Variants in ARHGAP24 observed in about 807,000 individuals in gnomAD.
ARHGAP24 encodes the protein rho GTPase-activating protein 24.
In ARHGAP24, 50 loss-of-function variants were observed where a neutral mutation model predicts 76.4. The ratio of observed to expected loss-of-function variants is 0.65; its 90% confidence interval spans 0.52 to 0.83. The LOEUF (loss-of-function observed/expected upper bound fraction) is 0.83. Ranked by LOEUF, ARHGAP24 falls within the 40% of genes least tolerant of loss-of-function variation. The probability of loss-of-function intolerance (pLI) is 0.00; values close to 1 mark genes in which losing one functional copy is unlikely to be tolerated. For synonymous variants in ARHGAP24, 345 were observed against 323.3 expected, an observed-to-expected ratio of 1.07 and a Z score of -0.72; for missense variants, 930 against 914.2, an observed-to-expected ratio of 1.02 and a Z score of -0.22.
At chr4:85,838,263 C>A (rs1400142670) in intron 3 of ARHGAP24, among the ~76,000 whole-genome samples, 2 of 152,160 alleles carry the variant, frequency 1.3e-5, no homozygotes, top group African/African-American at 4.8e-5. Context: ...GTGGATACTG[C>A]CTCTCAAGAG....
At chr4:85,751,199 A>T (rs1429999426) in intron 3 of ARHGAP24, among the ~76,000 whole-genome samples, 2 of 152,200 alleles carry the variant, frequency 1.3e-5, no homozygotes, top group Non-Finnish European at 2.9e-5. Flanking sequence ...TTTTCATTTA[A>T]TTGATTTTAG....
At chr4:85,828,707 T>C (rs1158597071) in intron 3 of ARHGAP24, among the ~76,000 whole-genome samples, 2 of 152,114 alleles carry the variant, frequency 1.3e-5, no homozygotes, top group African/African-American at 4.8e-5. Flanking sequence ...GAACGCAGAG[T>C]ATTACTCACT....
chr4:85,812,904 C>T (rs1162777560), intron 3 of ARHGAP24, among the ~76,000 whole-genome samples: 1 of 152,136 alleles, frequency 6.6e-6, no homozygotes, highest in East Asian at 1.9e-4. Context: ...TACACCGTGA[C>T]CCCATTTCTT....
chr4:85,871,532 G>A (rs188436804), intron 3 of ARHGAP24, among the ~76,000 whole-genome samples: 47 of 152,098 alleles, frequency 3.1e-4, no homozygotes, highest in Middle Eastern at 3.4e-3. Flanking sequence ...CATATTCCAC[G>A]AAACCTAAGC....
chr4:85,690,883 G>T (rs1485159203), intron 2 of ARHGAP24, among the ~76,000 whole-genome samples: 3 of 150,912 alleles, frequency 2.0e-5, no homozygotes, highest in African/African-American at 7.3e-5. Flanking sequence ...TAATAGCTTT[G>T]GGATTGGATG....
chr4:85,477,502 A>C (rs529605388), intron 1 of ARHGAP24, among the ~76,000 whole-genome samples: 102 of 152,368 alleles, frequency 6.7e-4, no homozygotes, highest in African/African-American at 2.4e-3. Flanking sequence ...TGAAATCCCC[A>C]GGGAAATCCT....
chr4:85,747,182 A>AT (rs954986536), intron 3 of ARHGAP24, among the ~76,000 whole-genome samples: 2 of 152,116 alleles, frequency 1.3e-5, no homozygotes, highest in African/African-American at 4.8e-5. Flanking sequence ...AAGCTCTTTC[A>AT]TTTTTTGCTT....
intron 3 of ARHGAP24, among the ~76,000 whole-genome samples, chr4:85,911,314 C>T (rs1426282432): frequency 6.6e-6 from 1 of 152,174 alleles, no homozygotes; most frequent in Non-Finnish European, 1.5e-5. Flanking sequence ...CTGGCAGTGC[C>T]TCCCTGCTAC....
chr4:85,800,692 G>A (rs931777017), intron 3 of ARHGAP24, among the ~76,000 whole-genome samples: 1 of 152,166 alleles, frequency 6.6e-6, no homozygotes, highest in Non-Finnish European at 1.5e-5. Context: ...TCAAAAGGCT[G>A]GAACAATTTC....
intron 3 of ARHGAP24, among the ~76,000 whole-genome samples, chr4:85,903,219 TAACTG>T (rs1233015012): frequency 5.3e-5 from 8 of 152,182 alleles, no homozygotes; most frequent in Admixed American, 3.9e-4. Flanking sequence ...TTTTTCTACT[TAACTG>T]AACACTTTGA....
At chr4:85,540,902 A>C in intron 1 of ARHGAP24, among the ~76,000 whole-genome samples, 1 of 142,158 alleles carries the variant, frequency 7.0e-6, no homozygotes, top group Non-Finnish European at 1.5e-5. Context: ...TTGGAAGCTA[A>C]AGATGTCTTA....
intron 3 of ARHGAP24, among the ~76,000 whole-genome samples, chr4:85,829,623 G>T (rs965735915): frequency 3.3e-5 from 5 of 152,164 alleles, no homozygotes; most frequent in African/African-American, 1.2e-4. Context: ...TTTCTATATG[G>T]GAACCTGTAC....
intron 2 of ARHGAP24, among the ~76,000 whole-genome samples, chr4:85,719,379 G>C (rs999228860): frequency 6.6e-6 from 1 of 152,100 alleles, no homozygotes; most frequent in Non-Finnish European, 1.5e-5. Flanking sequence ...GTAAGGCATG[G>C]GGGGAGAGGA....
At chr4:85,920,752 C>G (rs190090707) in intron 3 of ARHGAP24, among the ~76,000 whole-genome samples, 1 of 152,162 alleles carries the variant, frequency 6.6e-6, no homozygotes, top group African/African-American at 2.4e-5. Flanking sequence ...ATACATGTGG[C>G]AAACAATCAT....
chr4:85,841,935 T>A (rs1730613181), intron 3 of ARHGAP24, among the ~76,000 whole-genome samples: 1 of 152,182 alleles, frequency 6.6e-6, no homozygotes, highest in Admixed American at 6.5e-5. Flanking sequence ...TTCTAAGCAT[T>A]CACACACAAG....
At chr4:85,630,826 G>A (rs1721134701) in intron 2 of ARHGAP24, among the ~76,000 whole-genome samples, 1 of 151,610 alleles carries the variant, frequency 6.6e-6, no homozygotes, top group Non-Finnish European at 1.5e-5. Context: ...ACATTTCTAT[G>A]CTGGGTTTCC....
chr4:85,729,007 G>T (rs1247299372), intron 3 of ARHGAP24, among the ~76,000 whole-genome samples: 1 of 152,108 alleles, frequency 6.6e-6, no homozygotes, highest in Non-Finnish European at 1.5e-5. Context: ...TAAATATGCT[G>T]CTTAGGCATT....
At chr4:85,852,266 C>T (rs345334) in intron 3 of ARHGAP24, among the ~76,000 whole-genome samples, 32,802 of 152,162 alleles carry the variant, frequency 0.22, 4,547 homozygotes, top group Non-Finnish European at 0.32. Context: ...GTGTGTGTCA[C>T]GTAGTTCTCG....
At chr4:85,764,069 T>C (rs1177097690) in intron 3 of ARHGAP24, among the ~76,000 whole-genome samples, 1 of 152,188 alleles carries the variant, frequency 6.6e-6, no homozygotes, top group African/African-American at 2.4e-5. Flanking sequence ...AATATACATA[T>C]GTATAATTTA....
Sources: gnomAD v4.1 joint callset for allele counts (sites outside exome capture counted in the v4.1 genomes callset) on GRCh38, gnomAD v4.1.1 for gene constraint, MANE v1.5 for transcripts, NCBI Gene and HGNC (gene_info 2026-07-23, HGNC 2026-07-21) for gene names.